ADD2: variants seen among roughly 807,000 people sequenced by gnomAD.
ADD2 encodes the protein adducin 2, also known as beta-adducin.
Under a neutral mutation model 83.0 loss-of-function variants are expected in ADD2, and 23 were observed. The ratio of observed to expected loss-of-function variants is 0.28; its 90% CI spans 0.20 to 0.39. ADD2 has a LOEUF of 0.39. ADD2 is among the 10% of genes least tolerant of loss of function. The pLI, the probability that ADD2 is intolerant of heterozygous loss-of-function variation, is 1.00. For missense variants in ADD2, 758 were observed against 944.9 expected (o/e 0.80, Z 2.59); for synonymous variants, 375 against 375.4 (o/e 1.00, Z 0.01).
At chr2:70,743,397 G>T (rs1474439760) in intron 1 of ADD2, among the ~76,000 whole-genome samples, 1 of 152,196 alleles carries the variant, frequency 6.6e-6, no homozygotes, top group East Asian at 1.9e-4. Context: ...GGCACCTCTG[G>T]TCGAAAGGAA....
chr2:70,754,364 C>T (rs1158980523), intron 1 of ADD2, among the ~76,000 whole-genome samples: 2 of 152,170 alleles, frequency 1.3e-5, no homozygotes, highest in Non-Finnish European at 2.9e-5. Flanking sequence ...ATGTGGCTCT[C>T]CCACAGGACA....
intron 14 of ADD2, among the ~76,000 whole-genome samples, chr2:70,674,208 C>T (rs1030751805): frequency 1.3e-5 from 2 of 152,124 alleles, no homozygotes; most frequent in Non-Finnish European, 2.9e-5. Flanking sequence ...CAAGGGCATA[C>T]AAGCTACTGT....
intron 1 of ADD2, among the ~76,000 whole-genome samples, chr2:70,726,586 G>A (rs1673014570): frequency 6.6e-6 from 1 of 152,208 alleles, no homozygotes; most frequent in African/African-American, 2.4e-5. Flanking sequence ...GAATGGAAAT[G>A]TTGGTGACAG....
intron 1 of ADD2, among the ~76,000 whole-genome samples, chr2:70,721,504 T>TCTTCCCCTG (rs1553377364): frequency 6.6e-6 from 1 of 152,226 alleles, no homozygotes; most frequent in East Asian, 1.9e-4. Context: ...AGATCATTTA[T>TCTTCCCCTG]CTTCCCCTGA....
intron 10 of ADD2, among the ~76,000 whole-genome samples, chr2:70,683,278 C>T (rs1453240408): frequency 1.3e-5 from 2 of 152,178 alleles, no homozygotes; most frequent in East Asian, 1.9e-4. Context: ...CTGCCTGCCT[C>T]GGCCTCCCAG....
chr2:70,700,191 A>G (rs1553373339), intron 4 of ADD2, among the ~76,000 whole-genome samples: 1 of 152,220 alleles, frequency 6.6e-6, no homozygotes, highest in Admixed American at 6.5e-5. Context: ...TTTTTAAATG[A>G]TATTATTAGG....
Position 70,658,036 on chromosome 2 carries a change from A to G in ADD2, c.*5389T>C, listed in dbSNP as rs1553364395. ...AGAAGGTAAGTGGCACCAAACATCA[A>G]TATAGCCAAACCTAATATCACCTAA... On this transcript the variant is annotated 3_prime_UTR_variant, in exon 16 of 16. Transcript: ENST00000264436. 1 of 152,236 alleles carries G rather than the reference A, an allele frequency of 6.6e-6. No individual in the cohort carries two copies. 9.4% of individuals were successfully genotyped at this position (152,236 alleles called of 1,614,324 possible).
At chr2:70,765,763 T>C (rs1675350280) in intron 1 of ADD2, among the ~76,000 whole-genome samples, 1 of 152,232 alleles carries the variant, frequency 6.6e-6, no homozygotes, top group South Asian at 2.1e-4. Flanking sequence ...GAAGGTCTCA[T>C]GCTCATGTTT....
At chr2:70,727,696 A>G (rs567582228) in intron 1 of ADD2, among the ~76,000 whole-genome samples, 30 of 152,194 alleles carry the variant, frequency 2.0e-4, no homozygotes, top group African/African-American at 7.2e-4. Flanking sequence ...GGAGTTCAAG[A>G]CTAGCCTGGC....
rs1671867668 is a variant in ADD2, at chr2:70,706,045, TCCA to T, written c.183+178_183+180del. 6.6e-6 allele frequency among the ~76,000 whole-genome samples: 1 copy of T among 152,144 alleles called. No individual in the cohort carries two copies. Among genetic ancestry groups the T allele is most frequent in the Non-Finnish European group, 1.5e-5 (1 of 68,026 alleles). ...GCCACACACAAGCCAGGTTCTGCCA[TCCA>T]CCAGTTACAAGGGAGAGTGTCAAGG... On this transcript the variant is annotated intron_variant, in intron 3 of 15. Coordinates refer to ENST00000264436, the MANE Select transcript of ADD2 (RefSeq NM_001617.4). The surrounding 1 kb of genome is among the most constrained non-coding windows in gnomAD (Gnocchi z 5.0).
chr2:70,674,091 G>A (rs1670020815), intron 14 of ADD2, among the ~76,000 whole-genome samples: 1 of 152,198 alleles, frequency 6.6e-6, no homozygotes, highest in African/African-American at 2.4e-5. Flanking sequence ...GGAGTAGAGA[G>A]GGTGACAGGG....
At chr2:70,729,309 C>T (rs1203952609) in intron 1 of ADD2, among the ~76,000 whole-genome samples, 7 of 152,210 alleles carry the variant, frequency 4.6e-5, no homozygotes, top group African/African-American at 1.7e-4. Flanking sequence ...TACCTCCTTC[C>T]TCCCTCTGCC....
intron 4 of ADD2, 58 bp downstream of exon 4, chr2:70,704,263 T>TGCG: frequency 2.2e-6 from 2 of 913,236 alleles, no homozygotes; most frequent in Non-Finnish European, 3.4e-6. Flanking sequence ...CTCCCTCTCT[T>TGCG]CCCCACCCCA....
chr2:70,667,812 T>A (rs1180115196), intron 15 of ADD2, among the ~76,000 whole-genome samples: 2 of 152,050 alleles, frequency 1.3e-5, no homozygotes, highest in Non-Finnish European at 2.9e-5. Context: ...AGAGACAGGG[T>A]TTCACCATGT....
chr2:70,677,036 G>A, intron 12 of ADD2, 151 bp from the exon 13 acceptor site: 1 of 1,312,842 alleles, frequency 7.6e-7, no homozygotes. Flanking sequence ...TGTACTTTAA[G>A]GGGGGGCCTC....
intron 1 of ADD2, among the ~76,000 whole-genome samples, chr2:70,746,260 C>T (rs920976727): frequency 4.6e-5 from 7 of 152,160 alleles, no homozygotes; most frequent in African/African-American, 1.4e-4. Flanking sequence ...GCTCTGAGGG[C>T]GCTCATCAGT....
At chr2:70,699,295 T>A (rs1671465648) in intron 4 of ADD2, among the ~76,000 whole-genome samples, 1 of 152,000 alleles carries the variant, frequency 6.6e-6, no homozygotes, top group African/African-American at 2.4e-5. Context: ...GGAAAGTTCA[T>A]ATAAAGAAAA....
At chr2:70,717,054 C>T (rs1193480395) in intron 1 of ADD2, among the ~76,000 whole-genome samples, 5 of 152,268 alleles carry the variant, frequency 3.3e-5, no homozygotes, top group African/African-American at 4.8e-5. Flanking sequence ...CTCCCTTGAG[C>T]ACCCCCTCAC....
chr2:70,681,229 A>C (rs938723921), intron 10 of ADD2, among the ~76,000 whole-genome samples: 6 of 152,054 alleles, frequency 3.9e-5, no homozygotes, highest in Non-Finnish European at 7.4e-5. Flanking sequence ...TGGCTCTGGG[A>C]CTCAGTCAGT....
Sources: gnomAD v4.1 joint callset for allele counts (sites outside exome capture counted in the v4.1 genomes callset) on GRCh38, gnomAD v4.1.1 for gene constraint, Gnocchi (gnomAD v3.1) non-coding constraint, MANE v1.5 for transcripts, NCBI Gene and HGNC (gene_info 2026-07-23, HGNC 2026-07-21) for gene names.